The following RTN4 variants were observed in gnomAD, a reference collection of about 807,000 sequenced individuals.
RTN4 encodes reticulon 4.
RTN4 carries 32 observed loss-of-function variants against 90.4 expected under a neutral mutation model. The observed-to-expected ratio is 0.35, with a 90% CI of 0.27 to 0.48. The LOEUF is 0.48. Ranked by LOEUF, RTN4 falls within the 20% of genes least tolerant of loss-of-function variation. The pLI is 0.99. For synonymous variants in RTN4, 629 were observed against 552.5 expected, an observed-to-expected ratio of 1.14 and a Z score of -1.94; for missense variants, 1,706 against 1,430.2, an observed-to-expected ratio of 1.19 and a Z score of -3.11.
chr2:54,991,796 T>C (rs905365467), intron 3 of RTN4, among the ~76,000 whole-genome samples: 7 of 152,272 alleles, frequency 4.6e-5, no homozygotes, highest in African/African-American at 1.7e-4. Context: ...CCTAGAAATA[T>C]CTTAAGTACC....
intron 3 of RTN4, among the ~76,000 whole-genome samples, chr2:55,013,607 TTGG>T (rs1680804754): frequency 1.9e-5 from 1 of 52,192 alleles, no homozygotes; most frequent in Admixed American, 2.4e-4. Context: ...GGGTTTTTTT[TTGG>T]GGGGGGGGGA....
At chr2:55,118,814 G>C in the RTN4 span, among the ~76,000 whole-genome samples, 6 of 152,218 alleles carry the variant, frequency 3.9e-5, no homozygotes, top group Non-Finnish European at 7.3e-5. Context: ...GTTCCCTGCT[G>C]TTCTGATTGC....
intron 1 of RTN4, among the ~76,000 whole-genome samples, chr2:55,029,479 G>A (rs1478376748): frequency 1.3e-5 from 2 of 152,140 alleles, no homozygotes; most frequent in Non-Finnish European, 1.5e-5. Context: ...GAGATGACTG[G>A]AAGGTGATAT....
At chr2:55,055,505 C>A (rs536396821), upstream of RTN4, among the ~76,000 whole-genome samples, 1 of 152,156 alleles carries the variant, frequency 6.6e-6, no homozygotes, top group Non-Finnish European at 1.5e-5. Context: ...CGGTGGCTCA[C>A]GCCTGTAATC....
the RTN4 span, among the ~76,000 whole-genome samples, chr2:55,126,009 C>T: frequency 4.1e-5 from 6 of 145,946 alleles, no homozygotes; most frequent in South Asian, 4.3e-4. Context: ...TGCAGTGAGC[C>T]GAGATCACGC....
At chr2:55,094,988 G>A (rs992326048) in intron 1 of RTN4, among the ~76,000 whole-genome samples, 2 of 152,034 alleles carry the variant, frequency 1.3e-5, no homozygotes, top group Non-Finnish European at 2.9e-5. Context: ...TGTATTTCCC[G>A]TATTATCGCC....
Position 55,026,048 on chromosome 2 carries a change from T to G in RTN4, c.2051A>C (p.Asn684Thr). 1 of 1,611,036 alleles carries G rather than the reference T, an allele frequency of 6.2e-7. No individual in the cohort carries two copies. Among genetic ancestry groups the G allele is most frequent in the South Asian group, 1.1e-5 (1 of 90,350 alleles). The change falls in exon 3 of 9, where the codon AAT becomes ACT. Residue 684 changes from asparagine (N) to threonine (T), a missense_variant. Transcript: ENST00000337526. ...KEEIKEPENI[N>T]AALQETEAPY... ...AGCTTCTGTTTCTTGAAGAGCTGCA[T>G]TAATATTTTCAGGCTCTTTAATTTC...
At chr2:55,049,217 G>A (rs1667952857) in intron 1 of RTN4, 2 of 976,120 alleles carry the variant, frequency 2.0e-6, no homozygotes, top group African/African-American at 1.8e-5. Flanking sequence ...GAAGCGCAAA[G>A]GGGCCACCCA....
At chr2:55,041,563 A>G (rs1053700160) in intron 1 of RTN4, among the ~76,000 whole-genome samples, 3 of 152,102 alleles carry the variant, frequency 2.0e-5, no homozygotes, top group Admixed American at 2.0e-4. Flanking sequence ...CACCCATACT[A>G]CAAGAATATG....
At chr2:55,039,444 G>A (rs1299243778) in intron 1 of RTN4, among the ~76,000 whole-genome samples, 1 of 152,020 alleles carries the variant, frequency 6.6e-6, no homozygotes, top group Non-Finnish European at 1.5e-5. Context: ...GATTCTAACT[G>A]TAAAAATAAA....
intron 2 of RTN4, among the ~76,000 whole-genome samples, chr2:55,066,577 C>A (rs2105010871): frequency 6.6e-6 from 1 of 152,066 alleles, no homozygotes; most frequent in South Asian, 2.1e-4. Flanking sequence ...ACCTGTAATC[C>A]CAGCTACTCA....
upstream of RTN4, among the ~76,000 whole-genome samples, chr2:55,054,065 C>T (rs773819773): frequency 6.6e-6 from 1 of 152,102 alleles, no homozygotes; most frequent in Non-Finnish European, 1.5e-5. Flanking sequence ...GCAATCAATA[C>T]ATGCAAAAAA....
chr2:55,136,353 C>T, the RTN4 span, among the ~76,000 whole-genome samples: 4 of 152,308 alleles, frequency 2.6e-5, no homozygotes, highest in Middle Eastern at 6.8e-3. Context: ...GACAGCCCAC[C>T]CCAAGGGAAG....
chr2:55,130,843 A>C, the RTN4 span, among the ~76,000 whole-genome samples: 7 of 152,270 alleles, frequency 4.6e-5, no homozygotes, highest in South Asian at 1.5e-3. Context: ...GCTGCCATGA[A>C]GGGAGGTGGC....
At chr2:55,082,073 A>C (rs1476317660) in intron 1 of RTN4, among the ~76,000 whole-genome samples, 3 of 152,176 alleles carry the variant, frequency 2.0e-5, no homozygotes, top group African/African-American at 7.2e-5. Context: ...ACTGAATTTC[A>C]ACCCTTGACA....
chr2:55,065,899 T>C (rs1668381414), intron 2 of RTN4, among the ~76,000 whole-genome samples: 1 of 152,200 alleles, frequency 6.6e-6, no homozygotes, highest in East Asian at 1.9e-4. Context: ...GGATGGTGGT[T>C]ACACAGTTAT....
At chr2:55,046,415 C>CA (rs1325991715) in intron 1 of RTN4, among the ~76,000 whole-genome samples, 1 of 152,170 alleles carries the variant, frequency 6.6e-6, no homozygotes, top group Non-Finnish European at 1.5e-5. Flanking sequence ...TTCTCAGACA[C>CA]AAAGAGCTCA....
At chr2:55,043,443 T>C (rs146583893) in intron 1 of RTN4, among the ~76,000 whole-genome samples, 23 of 152,264 alleles carry the variant, frequency 1.5e-4, no homozygotes, top group Non-Finnish European at 2.8e-4. Context: ...TCTAATAAGT[T>C]GCTTGAAGGT....
At chr2:55,092,189 TAA>T (rs58296702) in intron 1 of RTN4, among the ~76,000 whole-genome samples, 393 of 143,324 alleles carry the variant, frequency 2.7e-3, no homozygotes, top group African/African-American at 7.9e-3. Flanking sequence ...GACCATGACT[TAA>T]AAAAAAAAAA....
Sources: gnomAD v4.1 joint callset for allele counts (sites outside exome capture counted in the v4.1 genomes callset) on GRCh38, gnomAD v4.1.1 for gene constraint, MANE v1.5 for transcripts, NCBI Gene and HGNC (gene_info 2026-07-23, HGNC 2026-07-21) for gene names.